CCSER1: variants seen among roughly 807,000 people sequenced by gnomAD.
The protein encoded by CCSER1 is serine-rich coiled-coil domain-containing protein 1.
In CCSER1, 41 loss-of-function variants were observed where a neutral mutation model predicts 82.0. The ratio of observed to expected loss-of-function variants is 0.50; its 90% CI spans 0.39 to 0.65. The LOEUF (loss-of-function observed/expected upper bound fraction) is 0.65, where lower values mean the gene tolerates loss of function less well. CCSER1 is among the 30% of genes least tolerant of loss of function. The pLI, the probability that CCSER1 is intolerant of heterozygous loss-of-function variation, is 0.00. For missense variants in CCSER1, 1,119 were observed against 1,064.2 expected (o/e 1.05, Z -0.72); for synonymous variants, 414 against 383.9 (o/e 1.08, Z -0.92).
intron 10 of CCSER1, among the ~76,000 whole-genome samples, chr4:91,358,489 C>A (rs1289529554): frequency 1.3e-5 from 2 of 149,252 alleles, no homozygotes; most frequent in Admixed American, 1.3e-4. Context: ...CACACTTCTA[C>A]CGTTTATACC....
intron 9 of CCSER1, among the ~76,000 whole-genome samples, chr4:91,033,152 G>A (rs1258760283): frequency 6.6e-6 from 1 of 152,114 alleles, no homozygotes; most frequent in African/African-American, 2.4e-5. Flanking sequence ...TCAGGGTCCT[G>A]GCACGAAATA....
chr4:91,454,017 G>A (rs889207219), intron 10 of CCSER1, among the ~76,000 whole-genome samples: 18 of 152,042 alleles, frequency 1.2e-4, no homozygotes, highest in Admixed American at 2.6e-4. Flanking sequence ...TCTATATTAA[G>A]TGTTTCTTAA....
intron 9 of CCSER1, among the ~76,000 whole-genome samples, chr4:91,031,783 TG>T (rs1247095649): frequency 6.6e-6 from 1 of 152,118 alleles, no homozygotes; most frequent in Non-Finnish European, 1.5e-5. Context: ...AGCAGTATTT[TG>T]TAAATGACTA....
At chr4:90,156,213 T>G (rs142336232) in intron 1 of CCSER1, among the ~76,000 whole-genome samples, 1 of 152,208 alleles carries the variant, frequency 6.6e-6, no homozygotes, top group Non-Finnish European at 1.5e-5. Context: ...TGAGTTCTAG[T>G]TTGATTGCAC....
chr4:91,186,298 C>T (rs771921494), intron 10 of CCSER1, among the ~76,000 whole-genome samples: 1 of 152,102 alleles, frequency 6.6e-6, no homozygotes, highest in Admixed American at 6.6e-5. Context: ...CTATACTCTC[C>T]TTCCTCCTCC....
intron 3 of CCSER1, among the ~76,000 whole-genome samples, chr4:90,331,684 A>G (rs534438076): frequency 6.6e-6 from 1 of 152,184 alleles, no homozygotes; most frequent in Non-Finnish European, 1.5e-5. Flanking sequence ...GTGAGGGGAT[A>G]TAATTGGCTT....
At chr4:90,233,106 C>T (rs1045454991) in intron 1 of CCSER1, among the ~76,000 whole-genome samples, 33 of 152,214 alleles carry the variant, frequency 2.2e-4, no homozygotes, top group African/African-American at 7.5e-4. Flanking sequence ...CCATTTGACC[C>T]AGCCATCCCA....
At chr4:91,343,061 A>G (rs1040489001) in intron 10 of CCSER1, among the ~76,000 whole-genome samples, 11 of 152,106 alleles carry the variant, frequency 7.2e-5, no homozygotes, top group Admixed American at 3.3e-4. Context: ...TCTGTGTTAT[A>G]TAATACATTA....
chr4:91,006,257 AT>A (rs552203112), intron 9 of CCSER1, among the ~76,000 whole-genome samples: 18 of 150,268 alleles, frequency 1.2e-4, no homozygotes, highest in South Asian at 2.1e-4. Flanking sequence ...TCCTGGCGAT[AT>A]TTTTTTTTGT....
intron 3 of CCSER1, among the ~76,000 whole-genome samples, chr4:90,385,414 T>C (rs185425512): frequency 6.7e-4 from 102 of 151,696 alleles, no homozygotes; most frequent in African/African-American, 1.9e-3. Context: ...TTTTTGACTT[T>C]TTAGTAATGA....
intron 10 of CCSER1, among the ~76,000 whole-genome samples, chr4:91,308,938 AT>A (rs1407643073): frequency 2.0e-5 from 3 of 152,110 alleles, no homozygotes; most frequent in African/African-American, 7.2e-5. Context: ...AATTGAAATT[AT>A]TTGAATATGG....
At chr4:90,256,210 C>G (rs114071553) in intron 1 of CCSER1, among the ~76,000 whole-genome samples, 1 of 152,164 alleles carries the variant, frequency 6.6e-6, no homozygotes, top group East Asian at 1.9e-4. Flanking sequence ...AGTCTCCATT[C>G]ATGCTCAAAA....
At chr4:90,367,710 G>T (rs532845113) in intron 3 of CCSER1, among the ~76,000 whole-genome samples, 1 of 151,864 alleles carries the variant, frequency 6.6e-6, no homozygotes. Context: ...TGAAAATTAT[G>T]ACTGAAAACG....
chr4:90,826,788 A>G (rs1259371839), intron 8 of CCSER1, among the ~76,000 whole-genome samples: 1 of 152,224 alleles, frequency 6.6e-6, no homozygotes, highest in Non-Finnish European at 1.5e-5. Flanking sequence ...AAATAGGATA[A>G]CACAGTTCAC....
At chr4:90,906,625 A>G (rs1396955005) in intron 8 of CCSER1, among the ~76,000 whole-genome samples, 3 of 152,136 alleles carry the variant, frequency 2.0e-5, no homozygotes, top group Non-Finnish European at 4.4e-5. Flanking sequence ...TAGGAATCTT[A>G]TTTTTAAACC....
At chr4:90,970,418 A>G (rs1385165765) in intron 9 of CCSER1, among the ~76,000 whole-genome samples, 1 of 152,020 alleles carries the variant, frequency 6.6e-6, no homozygotes, top group Non-Finnish European at 1.5e-5. Context: ...AGTGAAAAAA[A>G]TATATGCATC....
At chr4:90,672,438 T>G (rs1218956064) in intron 6 of CCSER1, among the ~76,000 whole-genome samples, 1 of 152,050 alleles carries the variant, frequency 6.6e-6, no homozygotes, top group Non-Finnish European at 1.5e-5. Flanking sequence ...TTAGCCTTCA[T>G]AGAATTGAAG....
At chr4:90,947,200 A>G (rs1470746718) in intron 9 of CCSER1, among the ~76,000 whole-genome samples, 1 of 152,188 alleles carries the variant, frequency 6.6e-6, no homozygotes, top group East Asian at 1.9e-4. Context: ...TGGGGAAATG[A>G]AGTTTAACCA....
intron 9 of CCSER1, among the ~76,000 whole-genome samples, chr4:91,070,152 A>AT (rs1022321179): frequency 2.6e-5 from 4 of 151,590 alleles, no homozygotes; most frequent in East Asian, 2.0e-4. Flanking sequence ...ACCTGGCTAA[A>AT]TTTTTTGTAT....
Sources: gnomAD v4.1 joint callset for allele counts (sites outside exome capture counted in the v4.1 genomes callset) on GRCh38, gnomAD v4.1.1 for gene constraint, MANE v1.5 for transcripts, NCBI Gene and HGNC (gene_info 2026-07-23, HGNC 2026-07-21) for gene names.